The following JARID2 variants were observed in gnomAD, a reference collection of about 807,000 sequenced individuals.
JARID2 encodes the protein jumonji and AT-rich interaction domain containing 2.
A neutral mutation model predicts 125.6 loss-of-function variants in JARID2; 21 were observed. The ratio of observed to expected loss-of-function variants is 0.17; its 90% CI spans 0.12 to 0.24. The LOEUF (loss-of-function observed/expected upper bound fraction) is 0.24. JARID2 is among the 10% of genes least tolerant of loss of function. JARID2 has a pLI of 1.00. For missense variants in JARID2, 1,303 were observed against 1,639.6 expected (o/e 0.79, Z 3.55); for synonymous variants, 736 against 661.6 (o/e 1.11, Z -1.73).
chr6:15,266,491 A>G (rs1031139643), intron 1 of JARID2, among the ~76,000 whole-genome samples: 4 of 152,236 alleles, frequency 2.6e-5, no homozygotes, highest in South Asian at 2.1e-4. Context: ...GCAGGGCCTC[A>G]TAAGGAAACA....
chr6:15,392,437 C>A (rs183505142), intron 2 of JARID2, among the ~76,000 whole-genome samples: 397 of 152,126 alleles, frequency 2.6e-3, no homozygotes, highest in African/African-American at 9.1e-3. Flanking sequence ...ACCTTCTGTC[C>A]GACTTGCCCT....
intron 2 of JARID2, among the ~76,000 whole-genome samples, chr6:15,382,768 A>G (rs1469988411): frequency 6.6e-6 from 1 of 152,146 alleles, no homozygotes; most frequent in Non-Finnish European, 1.5e-5. Context: ...CATTTCCTGG[A>G]GCGTTAAGAA....
At chr6:15,465,807 TTTGTTTG>T (rs1346802277) in intron 4 of JARID2, among the ~76,000 whole-genome samples, 148 of 150,226 alleles carry the variant, frequency 9.9e-4, no homozygotes, top group African/African-American at 3.3e-3. Flanking sequence ...TGTTTGTTTG[TTTGTTTG>T]TTTTTTTGAG....
intron 5 of JARID2, among the ~76,000 whole-genome samples, chr6:15,470,862 C>A (rs1431227019): frequency 6.6e-6 from 1 of 152,158 alleles, no homozygotes; most frequent in Non-Finnish European, 1.5e-5. Flanking sequence ...GCCTGTTGTT[C>A]CACCAGTGTG....
At chr6:15,321,628 G>A (rs957387) in intron 1 of JARID2, among the ~76,000 whole-genome samples, 12,455 of 151,980 alleles carry the variant, frequency 0.082, 648 homozygotes, top group South Asian at 0.15. Context: ...GCTTCTCCTC[G>A]TATTTACAAG....
At chr6:15,444,735 ATTTTTTTTTTTTTT>A (rs5874512) in intron 3 of JARID2, among the ~76,000 whole-genome samples, 1 of 91,924 alleles carries the variant, frequency 1.1e-5, no homozygotes, top group Non-Finnish European at 2.1e-5. Flanking sequence ...GAACTGTCTG[ATTTTTTTTTTTTTT>A]TTTTTTTTGA....
chr6:15,386,233 C>G (rs541634694), intron 2 of JARID2, among the ~76,000 whole-genome samples: 2 of 151,720 alleles, frequency 1.3e-5, no homozygotes, highest in East Asian at 3.9e-4. Flanking sequence ...ATCTCTCCCT[C>G]TCCCCCACCC....
chr6:15,434,634 G>A (rs1767124378), intron 3 of JARID2, among the ~76,000 whole-genome samples: 1 of 152,172 alleles, frequency 6.6e-6, no homozygotes, highest in East Asian at 1.9e-4. Flanking sequence ...GTTAATTCAA[G>A]TATTTTGATA....
At chr6:15,432,487 G>C (rs543444553) in intron 3 of JARID2, among the ~76,000 whole-genome samples, 12 of 152,032 alleles carry the variant, frequency 7.9e-5, no homozygotes, top group African/African-American at 2.9e-4. Flanking sequence ...AACAAGAAAA[G>C]TACGCTCCAC....
At chr6:15,260,516 A>T (rs1238690002) in intron 1 of JARID2, among the ~76,000 whole-genome samples, 1 of 152,204 alleles carries the variant, frequency 6.6e-6, no homozygotes, top group African/African-American at 2.4e-5. Context: ...GCCATGGGCC[A>T]AGTCTCATAG....
rs552310562 is a variant in JARID2 at position 15,308,078 on chromosome 6, T to C, written c.45+61494T>C. Among the ~76,000 whole-genome samples the C allele has an allele frequency of 4.6e-5, 7 of 152,348 alleles. No homozygotes were observed. In the East Asian group the frequency reaches 1.3e-3, roughly 29 times the overall value. ...GTTCTTCCTCCTTAAATTTTTCTGG[T>C]TTTCTGAAAGGGTGCAGGGAATACC... On this transcript the variant is annotated intron_variant, in intron 1 of 17. Transcript: ENST00000341776.
intron 9 of JARID2, among the ~76,000 whole-genome samples, chr6:15,506,757 T>C (rs1236670800): frequency 1.3e-5 from 2 of 152,214 alleles, no homozygotes; most frequent in Non-Finnish European, 2.9e-5. Context: ...CATAATGTCC[T>C]CCAGGTTCAT....
intron 1 of JARID2, among the ~76,000 whole-genome samples, chr6:15,335,647 G>A (rs949925437): frequency 6.6e-6 from 1 of 152,124 alleles, no homozygotes; most frequent in Non-Finnish European, 1.5e-5. Context: ...CCTGGGGGGT[G>A]TCTTTTCTCC....
At chr6:15,390,789 C>T (rs1465538425) in intron 2 of JARID2, among the ~76,000 whole-genome samples, 1 of 152,118 alleles carries the variant, frequency 6.6e-6, no homozygotes, top group Non-Finnish European at 1.5e-5. Flanking sequence ...GTCCAGTAGG[C>T]CGCAGTCCTC....
rs950799253 is a variant in JARID2, at chr6:15,376,747, A to T, written c.181+2495A>T. Among the ~76,000 whole-genome samples, 3 of 152,286 alleles carry T rather than the reference A, an allele frequency of 2.0e-5. No individual in the cohort carries two copies. The South Asian group carries it at 6.2e-4, about 32-fold the overall frequency. On this transcript the variant is annotated intron_variant, in intron 2 of 17. Coordinates refer to ENST00000341776, the MANE Select transcript of JARID2 (RefSeq NM_004973.4). ...TTTAAAAAATCATTATTTTCAAGGC[A>T]GCTACCATCTTAAACAAAGTGTACT...
intron 1 of JARID2, among the ~76,000 whole-genome samples, chr6:15,357,236 G>A (rs952363230): frequency 2.6e-5 from 4 of 152,198 alleles, no homozygotes; most frequent in Non-Finnish European, 2.9e-5. Flanking sequence ...CGCTGAATAA[G>A]TGCAGCCATA....
rs1256360275 is a variant in JARID2, at chr6:15,296,555, AC to A, written c.45+49972del. On this transcript the variant is annotated intron_variant, in intron 1 of 17. Transcript: ENST00000341776. Reference sequence around the variant, plus strand: ...ATCCCTCCCCATCATCCTCCCCGCAACACATAGTTTTTATAATTCTGAACCA... The same window carrying A: ...ATCCCTCCCCATCATCCTCCCCGCAAACATAGTTTTTATAATTCTGAACCA... Among the ~76,000 whole-genome samples the A allele has an allele frequency of 6.6e-5, 10 of 152,154 alleles. No homozygotes were observed. In the East Asian group the frequency reaches 1.9e-3, roughly 29 times the overall value.
intron 3 of JARID2, among the ~76,000 whole-genome samples, chr6:15,448,832 C>A (rs187719398): frequency 7.7e-4 from 117 of 152,212 alleles, no homozygotes; most frequent in Non-Finnish European, 1.1e-3. Context: ...TGAATTGATA[C>A]AGAAATTGAG....
At chr6:15,382,958 C>G (rs114564272) in intron 2 of JARID2, among the ~76,000 whole-genome samples, 1 of 152,168 alleles carries the variant, frequency 6.6e-6, no homozygotes, top group Admixed American at 6.5e-5. Flanking sequence ...ACACAGCACT[C>G]AGGTAGTGTC....
Sources: gnomAD v4.1 joint callset for allele counts (sites outside exome capture counted in the v4.1 genomes callset) on GRCh38, gnomAD v4.1.1 for gene constraint, MANE v1.5 for transcripts, NCBI Gene and HGNC (gene_info 2026-07-23, HGNC 2026-07-21) for gene names.